Variants in GABRG3 observed in about 807,000 individuals in gnomAD.
The protein encoded by GABRG3 is gamma-aminobutyric acid receptor subunit gamma-3.
In GABRG3, 25 loss-of-function variants were observed where a neutral mutation model predicts 48.8. The ratio of observed to expected loss-of-function variants is 0.51; its 90% CI spans 0.37 to 0.72. The LOEUF is 0.72. Among genes scored for constraint, GABRG3 ranks in the 30% least tolerant of loss-of-function variants. The pLI is 0.00. For synonymous variants in GABRG3, 227 were observed against 217.6 expected, an observed-to-expected ratio of 1.04 and a Z score of -0.38; for missense variants, 394 against 577.9, an observed-to-expected ratio of 0.68 and a Z score of 3.26.
chr15:27,429,395 T>A (rs1888383500), intron 5 of GABRG3, among the ~76,000 whole-genome samples: 1 of 152,196 alleles, frequency 6.6e-6, no homozygotes, highest in Non-Finnish European at 1.5e-5. Context: ...CCTGGTGGTC[T>A]GGTGACTCAT....
intron 3 of GABRG3, among the ~76,000 whole-genome samples, chr15:27,205,419 A>C (rs1367519838): frequency 2.6e-5 from 4 of 151,984 alleles, no homozygotes; most frequent in Non-Finnish European, 5.9e-5. Flanking sequence ...TTGATTGTAG[A>C]GGATTAGCTT....
chr15:27,322,992 T>C (rs1272552801), intron 3 of GABRG3, among the ~76,000 whole-genome samples: 3 of 152,082 alleles, frequency 2.0e-5, no homozygotes, highest in Non-Finnish European at 2.9e-5. Flanking sequence ...AGAACACGCC[T>C]TCCATCCAGC....
intron 3 of GABRG3, among the ~76,000 whole-genome samples, chr15:27,061,978 A>C (rs1438983174): frequency 1.3e-5 from 2 of 152,182 alleles, no homozygotes; most frequent in African/African-American, 4.8e-5. Flanking sequence ...AGCTGAAATC[A>C]GCCTCCTCCT....
At chr15:27,140,398 A>G (rs1898082435) in intron 3 of GABRG3, among the ~76,000 whole-genome samples, 1 of 152,194 alleles carries the variant, frequency 6.6e-6, no homozygotes, top group Non-Finnish European at 1.5e-5. Flanking sequence ...TGGGCACAGA[A>G]GTCTTCTGTG....
intron 2 of GABRG3, among the ~76,000 whole-genome samples, chr15:26,994,005 C>T (rs1406440417): frequency 6.6e-6 from 1 of 151,862 alleles, no homozygotes; most frequent in Non-Finnish European, 1.5e-5. Context: ...TCTGTTTCGT[C>T]TGATATAGCT....
chr15:27,325,345 G>A (rs538486488), intron 3 of GABRG3, among the ~76,000 whole-genome samples: 2 of 152,244 alleles, frequency 1.3e-5, no homozygotes, highest in South Asian at 2.1e-4. Flanking sequence ...GACTTGGGAG[G>A]GTCCATCTGG....
At chr15:27,408,925 T>G (rs1436551671) in intron 5 of GABRG3, among the ~76,000 whole-genome samples, 6 of 152,240 alleles carry the variant, frequency 3.9e-5, no homozygotes, top group South Asian at 2.1e-4. Flanking sequence ...ATAAATCATC[T>G]TGTACAGTAT....
chr15:27,450,712 G>A (rs1889084449), intron 5 of GABRG3, among the ~76,000 whole-genome samples: 1 of 151,736 alleles, frequency 6.6e-6, no homozygotes, highest in South Asian at 2.1e-4. Flanking sequence ...AGAGCAATAA[G>A]GCAATAAAAA....
At chr15:27,249,127 C>T (rs778010662) in intron 3 of GABRG3, among the ~76,000 whole-genome samples, 1 of 152,212 alleles carries the variant, frequency 6.6e-6, no homozygotes. Flanking sequence ...GTTGAAGTGA[C>T]TGGACTCAGG....
intron 2 of GABRG3, 71 bp downstream of exon 2, chr15:26,977,221 A>T: frequency 1.4e-6 from 2 of 1,469,086 alleles, no homozygotes; most frequent in Non-Finnish European, 1.9e-6. Flanking sequence ...CTTTTGAGTA[A>T]TTGTGAATTC....
At position 27,532,616 on chromosome 15, in the gene GABRG3, A is replaced by G. The variant is rs962440550; in HGVS notation, c.1139A>G (p.Asp380Gly). The G allele has an allele frequency of 2.5e-6, 4 of 1,613,766 alleles. No homozygotes were observed. The African/African-American group carries it at 5.3e-5, about 22-fold the overall frequency. The change falls in exon 10 of 10, where the codon GAC (aspartate) becomes GGC (glycine). Residue 380 changes from aspartate (D) to glycine (G), a missense_variant. This residue lies in a region of GABRG3 where 126 missense variants were observed against 155.5 expected (regional missense o/e 0.81). Transcript: ENST00000615808. ...TGCTTGCAGAACTATTCCCTCCTGG[A>G]CATGAGGCCACCACCAACTGCGATG... ...LQAPSNYSLL[D>G]MRPPPTAMIT... is the part of the protein sequence containing the mutation.
At chr15:27,133,270 T>A (rs1167942014) in intron 3 of GABRG3, among the ~76,000 whole-genome samples, 1 of 152,202 alleles carries the variant, frequency 6.6e-6, no homozygotes, top group Non-Finnish European at 1.5e-5. Context: ...ATTGAGAAGT[T>A]AAGATGTTTT....
intron 5 of GABRG3, among the ~76,000 whole-genome samples, chr15:27,331,753 A>G (rs1042878886): frequency 6.6e-6 from 1 of 152,214 alleles, no homozygotes; most frequent in Non-Finnish European, 1.5e-5. Context: ...GATGGTAACA[A>G]ATGGACCACT....
At chr15:27,343,045 C>G (rs1230371374) in intron 5 of GABRG3, among the ~76,000 whole-genome samples, 1 of 152,206 alleles carries the variant, frequency 6.6e-6, no homozygotes, top group Non-Finnish European at 1.5e-5. Context: ...CTCCAAGACC[C>G]TACCTGTCTA....
At chr15:27,486,582 G>T (rs565311243) in intron 6 of GABRG3, among the ~76,000 whole-genome samples, 2 of 152,284 alleles carry the variant, frequency 1.3e-5, no homozygotes, top group Non-Finnish European at 2.9e-5. Context: ...GGGGGCAGGA[G>T]CTCCAGCACT....
At chr15:27,103,328 C>T (rs1897392898) in intron 3 of GABRG3, among the ~76,000 whole-genome samples, 1 of 152,176 alleles carries the variant, frequency 6.6e-6, no homozygotes, top group African/African-American at 2.4e-5. Flanking sequence ...TGGAGGCTCA[C>T]ATGAAACACC....
chr15:27,268,061 G>T (rs926097235), intron 3 of GABRG3, among the ~76,000 whole-genome samples: 2 of 152,172 alleles, frequency 1.3e-5, no homozygotes, highest in African/African-American at 2.4e-5. Context: ...CATATAATGA[G>T]TTGGGATGTA....
At chr15:27,076,813 G>C (rs1018416531) in intron 3 of GABRG3, among the ~76,000 whole-genome samples, 5 of 152,202 alleles carry the variant, frequency 3.3e-5, no homozygotes, top group African/African-American at 1.2e-4. Context: ...TTCTGCCCCA[G>C]AGCTCAGGAG....
intron 3 of GABRG3, among the ~76,000 whole-genome samples, chr15:27,074,518 C>A (rs1436671853): frequency 6.6e-6 from 1 of 151,834 alleles, no homozygotes; most frequent in Non-Finnish European, 1.5e-5. Flanking sequence ...AGCTTGGACT[C>A]TTGTCCCTTC....
Sources: allele counts gnomAD v4.1 joint callset (sites outside exome capture counted in the v4.1 genomes callset), GRCh38; gene constraint gnomAD v4.1.1; regional missense constraint gnomAD v4.1.1; transcripts MANE v1.5; gene names NCBI Gene and HGNC (gene_info 2026-07-23, HGNC 2026-07-21).